SMOC1: variants seen among roughly 807,000 people sequenced by gnomAD.
SMOC1 encodes the protein SPARC related modular calcium binding 1, also known as SPARC-related modular calcium-binding protein 1.
Under a neutral mutation model 56.3 loss-of-function variants are expected in SMOC1, and 22 were observed. The observed-to-expected ratio is 0.39, with a 90% CI of 0.28 to 0.56. The LOEUF (loss-of-function observed/expected upper bound fraction) is 0.56. Ranked by LOEUF, SMOC1 falls within the 20% of genes least tolerant of loss-of-function variation. The probability of loss-of-function intolerance (pLI) is 0.61; values close to 1 mark genes in which losing one functional copy is unlikely to be tolerated. For missense variants in SMOC1, 509 were observed against 565.4 expected (o/e 0.90, Z 1.01); for synonymous variants, 193 against 215.0 (o/e 0.90, Z 0.89).
In SMOC1 at chr14:69,898,051, C is replaced by T. The variant is rs148819830; in HGVS notation, c.99+18274C>T. On this transcript the variant is annotated intron_variant, in intron 1 of 11. Transcript: ENST00000361956. ...TTTTAAAGGATAATTTTGCAAAATACGGAATTCTAGGTTGATGACTTTTCC... is the reference window on the plus strand; with the variant it reads ...TTTTAAAGGATAATTTTGCAAAATATGGAATTCTAGGTTGATGACTTTTCC... Among the ~76,000 whole-genome samples, 89 of 152,236 alleles carry T rather than the reference C, an allele frequency of 5.8e-4. 1 individual carries two copies. The highest frequency in any genetic ancestry group is 2.1e-3 in the African/African-American group (87 of 41,550).
At chr14:69,891,719 A>G (rs1468322936) in intron 1 of SMOC1, among the ~76,000 whole-genome samples, 1 of 152,186 alleles carries the variant, frequency 6.6e-6, no homozygotes, top group African/African-American at 2.4e-5. Flanking sequence ...CTGGATGATC[A>G]TGAATGAGGT....
chr14:69,917,614 G>A (rs187917730), intron 1 of SMOC1, among the ~76,000 whole-genome samples: 5 of 152,334 alleles, frequency 3.3e-5, no homozygotes, highest in Non-Finnish European at 5.9e-5. Flanking sequence ...GCGGTCTTCA[G>A]CGGGTTACAC....
intron 7 of SMOC1, among the ~76,000 whole-genome samples, chr14:69,997,749 C>T (rs1240972093): frequency 6.6e-6 from 1 of 152,142 alleles, no homozygotes; most frequent in Non-Finnish European, 1.5e-5. Context: ...TTAATGATAA[C>T]TTATGTCTGG....
At chr14:69,948,935 C>T (rs1218406029) in intron 1 of SMOC1, among the ~76,000 whole-genome samples, 1 of 152,166 alleles carries the variant, frequency 6.6e-6, no homozygotes, top group African/African-American at 2.4e-5. Flanking sequence ...CAGAGCCAAG[C>T]TTCTAATCAC....
At chr14:69,882,028 C>T (rs1046454224) in intron 1 of SMOC1, among the ~76,000 whole-genome samples, 3 of 152,016 alleles carry the variant, frequency 2.0e-5, no homozygotes, top group East Asian at 1.9e-4. Context: ...AGAGATGGCT[C>T]GATGAGAAAT....
In SMOC1 at chr14:69,952,080, C is replaced by G. The variant is rs80211335; in HGVS notation, c.100-58C>G. Reference sequence around the variant, plus strand: ...AAACAAGTACTGTAAGTCATGGACTCGCCCCTACTTTTCTTGCAAAAGTAA... The same window carrying G: ...AAACAAGTACTGTAAGTCATGGACTGGCCCCTACTTTTCTTGCAAAAGTAA... On this transcript the variant is annotated intron_variant, in intron 1 of 11. Coordinates refer to ENST00000361956, the MANE Select transcript of SMOC1 (RefSeq NM_001034852.3). The G allele has an allele frequency of 1.4e-5, 22 of 1,579,854 alleles. No individual in the cohort carries two copies. In the Middle Eastern group the frequency reaches 8.3e-4, roughly 60 times the overall value.
intron 1 of SMOC1, among the ~76,000 whole-genome samples, chr14:69,942,308 A>G (rs2139418145): frequency 6.6e-6 from 1 of 152,212 alleles, no homozygotes; most frequent in East Asian, 1.9e-4. Context: ...TGGGCAGAGA[A>G]ATCGCCAGAA....
chr14:70,029,779 T>G (rs1404370304), intron 11 of SMOC1, among the ~76,000 whole-genome samples: 1 of 152,134 alleles, frequency 6.6e-6, no homozygotes, highest in Non-Finnish European at 1.5e-5. Context: ...CCAGGTGACT[T>G]AAGCTCCCAT....
chr14:69,997,245 C>T (rs187405720), intron 7 of SMOC1, among the ~76,000 whole-genome samples: 1 of 152,322 alleles, frequency 6.6e-6, no homozygotes, highest in East Asian at 1.9e-4. Context: ...TCTGAGGCAG[C>T]TCACAAGGCT....
At chr14:70,029,404 A>G (rs917261498) in intron 11 of SMOC1, among the ~76,000 whole-genome samples, 1 of 152,162 alleles carries the variant, frequency 6.6e-6, no homozygotes, top group African/African-American at 2.4e-5. Flanking sequence ...AGCCCTTCTT[A>G]GTGGATAGCT....
intron 1 of SMOC1, among the ~76,000 whole-genome samples, chr14:69,906,245 G>A (rs1006202942): frequency 5.3e-5 from 8 of 152,184 alleles, no homozygotes; most frequent in Non-Finnish European, 1.0e-4. Context: ...GGTGCTGCTA[G>A]GAGACTTCCA....
chr14:69,980,173 G>A (rs914834979), intron 5 of SMOC1, among the ~76,000 whole-genome samples: 1 of 152,172 alleles, frequency 6.6e-6, no homozygotes, highest in African/African-American at 2.4e-5. Flanking sequence ...TAGCTCTAGG[G>A]TCAGCTTCCA....
chr14:69,908,151 T>C (rs1274702988), intron 1 of SMOC1, among the ~76,000 whole-genome samples: 1 of 152,132 alleles, frequency 6.6e-6, no homozygotes, highest in South Asian at 2.1e-4. Flanking sequence ...GGGAAAAAAG[T>C]AGGTTGTAAA....
chr14:69,921,164 G>C (rs889696422), intron 1 of SMOC1, among the ~76,000 whole-genome samples: 5 of 152,096 alleles, frequency 3.3e-5, no homozygotes, highest in Non-Finnish European at 7.4e-5. Flanking sequence ...GCATCGCCTC[G>C]GCTGTGACTC....
chr14:69,994,106 G>A (rs1394426422), intron 6 of SMOC1: 8 of 461,430 alleles, frequency 1.7e-5, no homozygotes, highest in Non-Finnish European at 2.8e-5. Flanking sequence ...CTTGGCCCAT[G>A]TTCCTTACCT....
At chr14:69,958,947 A>AT (rs1186168972) in intron 3 of SMOC1, among the ~76,000 whole-genome samples, 2 of 152,146 alleles carry the variant, frequency 1.3e-5, no homozygotes, top group South Asian at 2.1e-4. Context: ...AAATATTTTC[A>AT]TTTTTTTCTA....
chr14:69,942,388 T>C (rs761372504), intron 1 of SMOC1, among the ~76,000 whole-genome samples: 1 of 152,192 alleles, frequency 6.6e-6, no homozygotes, highest in Non-Finnish European at 1.5e-5. Flanking sequence ...ATTTTTTCTT[T>C]AGTTTTGTGT....
intron 1 of SMOC1, among the ~76,000 whole-genome samples, chr14:69,944,395 G>A (rs1882705151): frequency 6.6e-6 from 1 of 152,188 alleles, no homozygotes; most frequent in East Asian, 1.9e-4. Context: ...GCAGAGCTGG[G>A]CTGTGGTTTC....
At chr14:70,023,168 G>A (rs762194392) in intron 10 of SMOC1, 35 bp from the exon 11 acceptor site, 1 of 1,613,750 alleles carries the variant, frequency 6.2e-7, no homozygotes, top group Non-Finnish European at 8.5e-7. Flanking sequence ...CCTGATTGGT[G>A]TTCTCTGCGG....
Sources: gnomAD v4.1 joint callset for allele counts (sites outside exome capture counted in the v4.1 genomes callset) on GRCh38, gnomAD v4.1.1 for gene constraint, MANE v1.5 for transcripts, NCBI Gene and HGNC (gene_info 2026-07-23, HGNC 2026-07-21) for gene names.